The following KCNQ3 variants were observed in gnomAD, a reference collection of about 807,000 sequenced individuals.
The protein encoded by KCNQ3 is potassium voltage-gated channel subfamily Q member 3, also known as potassium voltage-gated channel subfamily KQT member 3.
A neutral mutation model predicts 92.5 loss-of-function variants in KCNQ3; 30 were observed. The observed-to-expected ratio is 0.32, with a 90% confidence interval of 0.24 to 0.44. The LOEUF is 0.44. Among genes scored for constraint, KCNQ3 ranks in the 20% least tolerant of loss-of-function variants. KCNQ3 has a pLI of 1.00. For missense variants in KCNQ3, 913 were observed against 1,140.3 expected (o/e 0.80, Z 2.87); for synonymous variants, 450 against 468.8 (o/e 0.96, Z 0.52).
intron 13 of KCNQ3, among the ~76,000 whole-genome samples, chr8:132,133,607 G>C (rs546444848): frequency 1.3e-5 from 2 of 152,120 alleles, no homozygotes; most frequent in South Asian, 4.2e-4. Context: ...ACCCGCCTCA[G>C]CCTCCTGAAG....
chr8:132,392,210 T>C (rs1384174849), intron 1 of KCNQ3, among the ~76,000 whole-genome samples: 2 of 152,182 alleles, frequency 1.3e-5, no homozygotes. Context: ...CTGGGGTCAA[T>C]TTTATTGACT....
Position 132,129,983 on chromosome 8 carries a change from C to T in KCNQ3, c.1898G>A (p.Gly633Glu), listed in dbSNP as rs1383592371. 3 of 1,613,458 alleles carry T rather than the reference C, an allele frequency of 1.9e-6. No individual in the cohort carries two copies. In the African/African-American group the frequency reaches 4.0e-5, roughly 22 times the overall value. The change falls in exon 15 of 15, where the codon GGG becomes GAG. Residue 633 changes from glycine (G) to glutamate (E), a missense_variant. Around this residue, in one of 6 missense-constraint regions of KCNQ3, gnomAD observed 375 missense variants for 376.4 expected, o/e 1.00. Transcript: ENST00000388996. This position sits in a 1 kb window ranked among gnomAD's most constrained non-coding sequence, Gnocchi z 5.9. ...VKVERQVQDM[G>E]KKLDFLVDMH... ...ATCCACGAGGAAGTCCAGCTTCTTCCCCATGTCCTGAACCTGGAAAATCAA... is the reference window on the plus strand; with the variant it reads ...ATCCACGAGGAAGTCCAGCTTCTTCTCCATGTCCTGAACCTGGAAAATCAA...
intron 1 of KCNQ3, among the ~76,000 whole-genome samples, chr8:132,225,311 T>C (rs1369741306): frequency 6.6e-6 from 1 of 152,184 alleles, no homozygotes; most frequent in Non-Finnish European, 1.5e-5. Context: ...GTTGAAAGTA[T>C]TCAAGGGAAA....
chr8:132,134,831 A>G (rs1484584704), intron 12 of KCNQ3, among the ~76,000 whole-genome samples: 2 of 151,846 alleles, frequency 1.3e-5, no homozygotes, highest in African/African-American at 2.4e-5. Context: ...TTCCAAAAAC[A>G]TCTAGTTAGG....
chr8:132,333,272 G>C (rs1325469509), intron 1 of KCNQ3, among the ~76,000 whole-genome samples: 4 of 152,214 alleles, frequency 2.6e-5, no homozygotes, highest in African/African-American at 9.6e-5. Flanking sequence ...GACTTCAGTG[G>C]TAAGAAAGTT....
At chr8:132,386,966 T>C (rs1270607391) in intron 1 of KCNQ3, among the ~76,000 whole-genome samples, 1 of 152,204 alleles carries the variant, frequency 6.6e-6, no homozygotes, top group Non-Finnish European at 1.5e-5. Context: ...TTTGTGGTGA[T>C]GGATATGCTA....
intron 7 of KCNQ3, among the ~76,000 whole-genome samples, chr8:132,171,980 A>C (rs1023803160): frequency 2.7e-5 from 4 of 149,930 alleles, no homozygotes; most frequent in African/African-American, 9.9e-5. Context: ...ACATAGTAAG[A>C]CCTCATCTCT....
At chr8:132,441,415 G>A (rs983479060) in intron 1 of KCNQ3, among the ~76,000 whole-genome samples, 18 of 152,134 alleles carry the variant, frequency 1.2e-4, no homozygotes, top group Admixed American at 7.2e-4. Flanking sequence ...TTAGCCAGGC[G>A]CGGTGGCAGG....
intron 1 of KCNQ3, among the ~76,000 whole-genome samples, chr8:132,357,109 C>T (rs1188149299): frequency 6.6e-6 from 1 of 152,206 alleles, no homozygotes; most frequent in Non-Finnish European, 1.5e-5. Context: ...TGAAGATGAT[C>T]ATCCCTTTCT....
chr8:132,123,650 G>C lies in KCNQ3; in HGVS notation c.*5612C>G, dbSNP rs900534889. On this transcript the variant is annotated 3_prime_UTR_variant, in exon 15 of 15. Transcript: ENST00000388996. ...AAGACCTGAGTTCCAGATTTATTCT[G>C]TGACTCAATCACTGCTTCAATCACT... is the stretch of plus-strand genomic sequence containing the variant. The C allele has an allele frequency of 6.6e-6, 1 of 152,118 alleles. No individual in the cohort carries two copies. The highest frequency in any genetic ancestry group is 2.4e-5 in the African/African-American group (1 of 41,432). The allele number at this position is 152,118 out of a possible 1,614,324, so 9.4% of individuals were successfully genotyped here. A position where few individuals can be genotyped will look rare whatever the true frequency, so the allele number is the denominator to read the frequency against.
At chr8:132,344,026 T>C (rs1236657707) in intron 1 of KCNQ3, among the ~76,000 whole-genome samples, 1 of 152,220 alleles carries the variant, frequency 6.6e-6, no homozygotes, top group Non-Finnish European at 1.5e-5. Context: ...TGGGCAATAA[T>C]TGGCCTCTGC....
chr8:132,466,713 A>G (rs1399326528), intron 1 of KCNQ3, among the ~76,000 whole-genome samples: 1 of 152,178 alleles, frequency 6.6e-6, no homozygotes, highest in Admixed American at 6.5e-5. Context: ...TAGGGATGCT[A>G]TTGCATTCCA....
chr8:132,428,419 T>A (rs986121265), intron 1 of KCNQ3, among the ~76,000 whole-genome samples: 3 of 152,192 alleles, frequency 2.0e-5, no homozygotes, highest in Non-Finnish European at 1.5e-5. Flanking sequence ...ATTATTACCA[T>A]AATTAACAAA....
intron 1 of KCNQ3, among the ~76,000 whole-genome samples, chr8:132,282,481 A>G (rs1173138978): frequency 6.6e-6 from 1 of 152,160 alleles, no homozygotes; most frequent in African/African-American, 2.4e-5. Context: ...TACACTCTCC[A>G]GCATCTCCTA....
intron 12 of KCNQ3, 126 bp downstream of exon 12, chr8:132,137,759 G>T: frequency 8.4e-7 from 1 of 1,184,806 alleles, no homozygotes; most frequent in Non-Finnish European, 1.2e-6. Flanking sequence ...ACAAGGCTTC[G>T]TGGATATTTG....
chr8:132,414,386 A>G (rs1184538876), intron 1 of KCNQ3, among the ~76,000 whole-genome samples: 1 of 152,150 alleles, frequency 6.6e-6, no homozygotes, highest in East Asian at 1.9e-4. Flanking sequence ...ACTAGATTTA[A>G]CATTCAGAGC....
intron 1 of KCNQ3, among the ~76,000 whole-genome samples, chr8:132,198,911 A>G (rs1827380598): frequency 6.6e-6 from 1 of 152,188 alleles, no homozygotes; most frequent in African/African-American, 2.4e-5. Flanking sequence ...CAGGACAGCA[A>G]AAACCTTTAT....
chr8:132,184,140 C>T (rs1826881026), intron 3 of KCNQ3, 101 bp downstream of exon 3: 1 of 1,468,820 alleles, frequency 6.8e-7, no homozygotes, highest in East Asian at 2.3e-5. Context: ...CTCCACAGTG[C>T]CGCGTGATTT....
chr8:132,213,914 C>G (rs1262258784), intron 1 of KCNQ3, among the ~76,000 whole-genome samples: 1 of 152,134 alleles, frequency 6.6e-6, no homozygotes. Context: ...TTTTCTCTCT[C>G]TCTGTAGAGG....
Sources: gnomAD v4.1 joint callset for allele counts (sites outside exome capture counted in the v4.1 genomes callset) on GRCh38, gnomAD v4.1.1 for gene constraint, gnomAD v4.1.1 regional missense constraint, Gnocchi (gnomAD v3.1) non-coding constraint, MANE v1.5 for transcripts, NCBI Gene and HGNC (gene_info 2026-07-23, HGNC 2026-07-21) for gene names.